Variants in ZNF143 observed in about 807,000 individuals in gnomAD.
ZNF143 encodes the protein SPH-binding factor.
ZNF143 carries 49 observed loss-of-function variants against 74.1 expected under a neutral mutation model. That is an observed-to-expected ratio of 0.66 (90% CI 0.53 to 0.84). ZNF143 has a LOEUF of 0.84. Among genes scored for constraint, ZNF143 ranks in the 40% least tolerant of loss-of-function variants. The probability of loss-of-function intolerance (pLI) is 0.00; values close to 1 mark genes in which losing one functional copy is unlikely to be tolerated. For synonymous variants in ZNF143, 304 were observed against 282.8 expected, an observed-to-expected ratio of 1.07 and a Z score of -0.75; for missense variants, 637 against 793.4, an observed-to-expected ratio of 0.80 and a Z score of 2.37.
At chr11:9,491,850 G>A (rs1035041772) in intron 7 of ZNF143, among the ~76,000 whole-genome samples, 3 of 152,142 alleles carry the variant, frequency 2.0e-5, no homozygotes, top group African/African-American at 4.8e-5. Flanking sequence ...GGCTAGTCTC[G>A]AACTCCTGAT....
At chr11:9,493,836 G>A (rs1258616232) in intron 7 of ZNF143, among the ~76,000 whole-genome samples, 2 of 152,140 alleles carry the variant, frequency 1.3e-5, no homozygotes, top group Non-Finnish European at 2.9e-5. Context: ...GGATTTTTAT[G>A]TTATTACATC....
chr11:9,483,836 G>A (rs912717078), intron 7 of ZNF143, among the ~76,000 whole-genome samples: 8 of 145,796 alleles, frequency 5.5e-5, no homozygotes, highest in South Asian at 2.2e-4. Context: ...TGTGACCTCC[G>A]TCTCCTGGGT....
intron 7 of ZNF143, among the ~76,000 whole-genome samples, chr11:9,490,099 A>G (rs1477150866): frequency 1.3e-5 from 2 of 151,964 alleles, no homozygotes; most frequent in African/African-American, 2.4e-5. Context: ...CAAGAGGATC[A>G]CTTGAGCCCA....
chr11:9,505,790 A>G (rs1439386686), intron 11 of ZNF143, among the ~76,000 whole-genome samples: 2 of 146,502 alleles, frequency 1.4e-5, no homozygotes. Context: ...GAGGCAGGAG[A>G]GTTGCTTGAA....
chr11:9,496,979 T>C (rs566959331), intron 9 of ZNF143, among the ~76,000 whole-genome samples: 1 of 152,350 alleles, frequency 6.6e-6, no homozygotes, highest in Non-Finnish European at 1.5e-5. Flanking sequence ...TTAAAGGCTG[T>C]CATAGACTCT....
intron 1 of ZNF143, chr11:9,463,840 C>T (rs1488448236): frequency 6.6e-6 from 1 of 152,154 alleles, no homozygotes; most frequent in South Asian, 2.1e-4. Context: ...AAAACCACTC[C>T]ACCCTCATAG....
chr11:9,523,745 A>T (rs11042408), intron 14 of ZNF143, among the ~76,000 whole-genome samples: 31,129 of 144,984 alleles, frequency 0.21, 3,453 homozygotes, highest in East Asian at 0.43. Context: ...AAAAATATAT[A>T]ATAATAATAA....
At chr11:9,465,884 G>A (rs369695772) in intron 1 of ZNF143, among the ~76,000 whole-genome samples, 2 of 151,966 alleles carry the variant, frequency 1.3e-5, no homozygotes, top group East Asian at 3.9e-4. Flanking sequence ...GAGTACAGTG[G>A]CACAATCACA....
At chr11:9,522,942 T>TTA (rs1848989774) in intron 14 of ZNF143, among the ~76,000 whole-genome samples, 1 of 151,604 alleles carries the variant, frequency 6.6e-6, no homozygotes, top group African/African-American at 2.4e-5. Context: ...TTTGTATTTT[T>TTA]TTTTTTAGTA....
At chr11:9,502,434 C>T (rs2134105446) in intron 11 of ZNF143, among the ~76,000 whole-genome samples, 1 of 150,746 alleles carries the variant, frequency 6.6e-6, no homozygotes, top group Non-Finnish European at 1.5e-5. Context: ...CATGGTGAAA[C>T]CCCATGTCTA....
chr11:9,476,746 C>CTTTTGTTT (rs1856919365), intron 5 of ZNF143, among the ~76,000 whole-genome samples: 1 of 34,834 alleles, frequency 2.9e-5, no homozygotes, highest in Non-Finnish European at 5.3e-5. Context: ...AGGGAGGAAT[C>CTTTTGTTT]TTTTTTTTTT....
intron 9 of ZNF143, 79 bp from the exon 10 acceptor site, chr11:9,497,596 A>AT (rs1249240741): frequency 1.8e-5 from 20 of 1,141,476 alleles, no homozygotes; most frequent in Non-Finnish European, 2.5e-5. Flanking sequence ...TATTGACTAT[A>AT]TTTTTCAGTA....
Position 9,516,432 on chromosome 11 carries a change from T to C in ZNF143, c.1686+70T>C, listed in dbSNP as rs1035108108. 18 of 1,391,020 alleles carry C rather than the reference T, an allele frequency of 1.3e-5. No homozygotes were observed. In the African/African-American group the frequency reaches 1.4e-4, roughly 11 times the overall value. 86.2% of individuals were successfully genotyped at this position (1,391,020 alleles called of 1,614,324 possible). ...CCAAAACAGTTACATAGGTATGCAATGTGGTACAACAGTTAAGCACACAAA... is the reference window on the plus strand; with the variant it reads ...CCAAAACAGTTACATAGGTATGCAACGTGGTACAACAGTTAAGCACACAAA... On this transcript the variant is annotated intron_variant, in intron 14 of 15. Coordinates refer to ENST00000396602, the MANE Select transcript of ZNF143 (RefSeq NM_003442.6).
At chr11:9,498,540 T>TC (rs1393052798) in intron 10 of ZNF143, among the ~76,000 whole-genome samples, 1 of 152,214 alleles carries the variant, frequency 6.6e-6, no homozygotes, top group Non-Finnish European at 1.5e-5. Flanking sequence ...CATTTCTCCT[T>TC]CTCTTTAAAT....
chr11:9,500,034 T>C (rs1848100712), intron 10 of ZNF143, among the ~76,000 whole-genome samples: 1 of 152,176 alleles, frequency 6.6e-6, no homozygotes, highest in Non-Finnish European at 1.5e-5. Context: ...CCTTGACTTC[T>C]TGTGCTCATG....
At chr11:9,478,699 C>T (rs1847118446) in intron 6 of ZNF143, 113 bp downstream of exon 6, 4 of 1,285,720 alleles carry the variant, frequency 3.1e-6, no homozygotes, top group Admixed American at 4.8e-5. Context: ...CCAATTTTGG[C>T]TGGGCATGGC....
Position 9,502,819 on chromosome 11 carries a change from A to G in ZNF143, c.1147+1549A>G, listed in dbSNP as rs188553850. 7.5e-3 allele frequency among the ~76,000 whole-genome samples: 1,144 copies of G among 151,946 alleles called. 8 individuals carry two copies. The highest frequency in any genetic ancestry group is 0.013 in the Non-Finnish European group (879 of 67,974). On this transcript the variant is annotated intron_variant, in intron 11 of 15. Coordinates refer to ENST00000396602, the MANE Select transcript of ZNF143 (RefSeq NM_003442.6). ...GTTTGCCCATTCTGGATATTTTCAT[A>G]TAAATGAAATCATGCAGTATGTGGG... is the stretch of plus-strand genomic sequence containing the variant.
At position 9,502,848 on chromosome 11, in the gene ZNF143, T is replaced by G. The variant is rs150036096; in HGVS notation, c.1147+1578T>G. 1.4e-3 allele frequency among the ~76,000 whole-genome samples: 208 copies of G among 148,466 alleles called. 1 individual carries two copies. The Middle Eastern group carries it at 0.031, about 22-fold the overall frequency. ...ATGAAATCATGCAGTATGTGGGGGGTTTTTGTCTGACTTCGTTCTCTTTGC... is the reference window on the plus strand; with the variant it reads ...ATGAAATCATGCAGTATGTGGGGGGGTTTTGTCTGACTTCGTTCTCTTTGC... On this transcript the variant is annotated intron_variant, in intron 11 of 15. Coordinates refer to ENST00000396602, the MANE Select transcript of ZNF143 (RefSeq NM_003442.6).
chr11:9,501,452 G>T (rs1276487066), intron 11 of ZNF143, among the ~76,000 whole-genome samples, 182 bp downstream of exon 11: 1 of 152,160 alleles, frequency 6.6e-6, no homozygotes, highest in Non-Finnish European at 1.5e-5. Context: ...TCAACAAACA[G>T]TTATTGAGTA....
Sources: allele counts gnomAD v4.1 joint callset (sites outside exome capture counted in the v4.1 genomes callset), GRCh38; gene constraint gnomAD v4.1.1; transcripts MANE v1.5; gene names NCBI Gene and HGNC (gene_info 2026-07-23, HGNC 2026-07-21).